SYNE2: variants seen among roughly 807,000 people sequenced by gnomAD.
SYNE2 encodes spectrin repeat containing nuclear envelope protein 2.
A neutral mutation model predicts 856.3 loss-of-function variants in SYNE2; 431 were observed. That is an observed-to-expected ratio of 0.50 (90% CI 0.47 to 0.55). SYNE2 has a LOEUF of 0.55. Ranked by LOEUF, SYNE2 falls within the 20% of genes least tolerant of loss-of-function variation. The pLI is 0.00. For synonymous variants in SYNE2, 2,923 were observed against 2,872.3 expected, an observed-to-expected ratio of 1.02 and a Z score of -0.56; for missense variants, 8,129 against 8,023.2, an observed-to-expected ratio of 1.01 and a Z score of -0.50.
chr14:63,993,884 C>T lies in SYNE2; in HGVS notation c.2696C>T (p.Ala899Val). The part of the protein sequence containing the change: ...NTKSLAKYLK[A>V]VEELKNNVTE... The stretch of plus-strand genomic sequence containing the variant: ...AAAAGTCTGGCCAAGTATTTGAAAG[C>T]TGTTGAAGAACTAAAAAATAATGTA... Residue 899 changes from alanine (A) to valine (V), a missense_variant, in exon 22 of 116, where the codon GCT (alanine) becomes GTT (valine). Ala to Val is a moderately conservative substitution (Grantham distance 64). Transcript: ENST00000555002. The T allele has an allele frequency of 6.2e-7, 1 of 1,611,470 alleles. No individual in the cohort carries two copies.
At chr14:63,773,118 T>C (rs1886981806) in intron 1 of SYNE2, among the ~76,000 whole-genome samples, 1 of 151,982 alleles carries the variant, frequency 6.6e-6, no homozygotes, top group Non-Finnish European at 1.5e-5. Context: ...ATTTTATTGT[T>C]GTTTATTATT....
intron 54 of SYNE2, among the ~76,000 whole-genome samples, chr14:64,076,621 GGA>G (rs1023512302): frequency 2.6e-5 from 4 of 151,944 alleles, no homozygotes; most frequent in African/African-American, 9.7e-5. Flanking sequence ...AAGAAAAGGT[GGA>G]AAATATTTTA....
intron 45 of SYNE2, among the ~76,000 whole-genome samples, chr14:64,045,366 A>G (rs1440764474): frequency 6.6e-6 from 1 of 151,216 alleles, no homozygotes; most frequent in Non-Finnish European, 1.5e-5. Flanking sequence ...TTAGTAGATG[A>G]TGAATAACAG....
rs780659094 is a variant in SYNE2 at position 64,021,927 on chromosome 14, C to G, written c.5423C>G (p.Thr1808Ser). The change falls in exon 37 of 116, where the codon ACT (threonine) becomes AGT (serine). Residue 1808 changes from threonine (T) to serine (S), a missense_variant. Thr to Ser is a moderately conservative substitution (Grantham distance 58). This residue lies in a region of SYNE2 where 2,422 missense variants were observed against 2,357.4 expected (regional missense o/e 1.03). Coordinates refer to ENST00000555002, the MANE Select transcript of SYNE2 (RefSeq NM_182914.3). ...ILLENQIGCL[T>S]PELSELKKQY... is the part of the protein sequence containing the mutation. ...CTTGAGAATCAAATAGGTTGTCTGA[C>G]TCCTGAACTCTCTGAATTGAAAAAG... 41 of 1,613,788 alleles carry G rather than the reference C, an allele frequency of 2.5e-5. No homozygotes were observed. The Admixed American group carries it at 4.5e-4, about 18-fold the overall frequency.
At chr14:63,881,896 A>G (rs1408305996) in intron 1 of SYNE2, among the ~76,000 whole-genome samples, 1 of 152,218 alleles carries the variant, frequency 6.6e-6, no homozygotes, top group Admixed American at 6.5e-5. Flanking sequence ...CTATTGAATT[A>G]TGGAGACTGT....
intron 67 of SYNE2, 69 bp downstream of exon 67, chr14:64,119,678 C>G (rs2097883473): frequency 1.3e-6 from 2 of 1,549,434 alleles, no homozygotes; most frequent in Non-Finnish European, 1.8e-6. Context: ...GAAGAGAACT[C>G]TGGTTGGAAG....
rs780655642 is a variant in SYNE2 at position 64,209,563 on chromosome 14, A to G, written c.18525A>G (p.Glu6175=). ...SEVLYTSAKE[E]LKRFEAFQRQ... ...TGTTGTACACGAGTGCCAAAGAGGA[A>G]CTGAAGAGGTTTGAGGTAAACACCT... Residue 6175 remains glutamate (E), a synonymous_variant, in exon 102 of 116, where the codon GAA becomes GAG. Transcript: ENST00000555002. 17 of 1,614,028 alleles carry G rather than the reference A, an allele frequency of 1.1e-5. No individual in the cohort carries two copies. Among genetic ancestry groups the G allele is most frequent in the Admixed American group, 8.3e-5 (5 of 59,998 alleles).
chr14:63,991,510 G>A (rs2096666025), intron 21 of SYNE2, among the ~76,000 whole-genome samples: 1 of 152,178 alleles, frequency 6.6e-6, no homozygotes, highest in Admixed American at 6.5e-5. Context: ...TACATTCTCT[G>A]AATGTAAAAA....
chr14:63,783,988 G>A (rs573645598), intron 1 of SYNE2, among the ~76,000 whole-genome samples: 1 of 152,234 alleles, frequency 6.6e-6, no homozygotes, highest in South Asian at 2.1e-4. Flanking sequence ...GTATCAAGGG[G>A]TAAAGAACAC....
chr14:64,065,284 A>G (rs2097350189), intron 50 of SYNE2, 148 bp from the exon 51 acceptor site: 1 of 735,154 alleles, frequency 1.4e-6, no homozygotes, highest in Admixed American at 2.4e-5. Flanking sequence ...CATCTGGTCT[A>G]TATTGACTTC....
intron 32 of SYNE2, among the ~76,000 whole-genome samples, chr14:64,015,651 T>G (rs181794844): frequency 2.6e-4 from 40 of 152,166 alleles, no homozygotes; most frequent in African/African-American, 8.7e-4. Context: ...ATTTTATTGG[T>G]TTTTTTCCCC....
At position 63,986,603 on chromosome 14, in the gene SYNE2, G is replaced by A; in HGVS notation, c.2299G>A (p.Glu767Lys). Reference protein sequence around the residue: ...LDQDDVDTSMEESLKHLIAKG... With the variant: ...LDQDDVDTSMKESLKHLIAKG... ...TCAAGATGATGTGGACACCTCAATG[G>A]AAGAATCTTTGAAGGTATGTGTGTA... Residue 767 changes from glutamate to lysine, a missense_variant, in exon 19 of 116, where the codon GAA becomes AAA. Physicochemically the swap from Glu to Lys is moderately conservative, Grantham distance 56 (BLOSUM62 1). This residue lies in a region of SYNE2 where 2,422 missense variants were observed against 2,357.4 expected (regional missense o/e 1.03). Transcript: ENST00000555002. 3 of 1,614,124 alleles carry A rather than the reference G, an allele frequency of 1.9e-6. No homozygotes were observed. Among genetic ancestry groups the A allele is most frequent in the Non-Finnish European group, 2.5e-6 (3 of 1,180,010 alleles).
chr14:63,916,979 G>C (rs1044263114), intron 2 of SYNE2, among the ~76,000 whole-genome samples: 2 of 152,016 alleles, frequency 1.3e-5, no homozygotes, highest in African/African-American at 4.8e-5. Flanking sequence ...ACGTCCAGCT[G>C]CTTGGGAGGC....
chr14:63,859,950 TCCCTCCC>T lies in SYNE2; in HGVS notation c.-52+6808_-52+6814del, dbSNP rs1316451819. On this transcript the variant is annotated intron_variant, in intron 1 of 115. Coordinates refer to ENST00000555002, the MANE Select transcript of SYNE2 (RefSeq NM_182914.3). ...TTTCTCCCTTCTCCCCTTCCTTCCCTCCCTCCCTCCCTCCCTCCCTCCCTTCCTCCCT... is the reference window on the plus strand; with the variant it reads ...TTTCTCCCTTCTCCCCTTCCTTCCCTTCCCTCCCTCCCTCCCTTCCTCCCT... Among the ~76,000 whole-genome samples, 202 of 118,992 alleles carry T rather than the reference TCCCTCCC, an allele frequency of 1.7e-3. 3 individuals are homozygous for T. The South Asian group carries it at 0.019, about 11-fold the overall frequency. The allele number at this position is 118,992 out of a possible 152,430, so 78.1% of individuals were successfully genotyped here.
intron 61 of SYNE2, among the ~76,000 whole-genome samples, chr14:64,094,242 G>C (rs2097657322): frequency 6.6e-6 from 1 of 151,966 alleles, no homozygotes; most frequent in Admixed American, 6.6e-5. Context: ...GCTGAGGCAG[G>C]AGAATGGAGT....
intron 1 of SYNE2, among the ~76,000 whole-genome samples, chr14:63,791,898 C>T (rs1013318256): frequency 3.4e-5 from 5 of 144,954 alleles, no homozygotes; most frequent in Admixed American, 1.4e-4. Flanking sequence ...TGAGTGAGAT[C>T]GCGCCACCGC....
intron 2 of SYNE2, among the ~76,000 whole-genome samples, chr14:63,923,067 G>A (rs1232390093): frequency 1.3e-5 from 2 of 152,166 alleles, no homozygotes; most frequent in Non-Finnish European, 1.5e-5. Flanking sequence ...GTAGCAAGGA[G>A]TAACAAATAT....
Position 64,016,613 on chromosome 14 carries a change from T to C in SYNE2, c.4869T>C (p.Ile1623=), listed in dbSNP as rs1314718901. ...EPPFEKEANI[I]VDRWLDINEK... Reference sequence around the variant, plus strand: ...CTTTTGAAAAAGAGGCTAATATTATTGTGGATAGATGGCTTGATGTAAGTG... The same window carrying C: ...CTTTTGAAAAAGAGGCTAATATTATCGTGGATAGATGGCTTGATGTAAGTG... Residue 1623 remains isoleucine, a synonymous_variant, in exon 33 of 116, where the codon ATT becomes ATC. Transcript: ENST00000555002. 2 of 1,595,472 alleles carry C rather than the reference T, an allele frequency of 1.3e-6. No individual in the cohort carries two copies. Among genetic ancestry groups the C allele is most frequent in the East Asian group, 2.2e-5 (1 of 44,578 alleles).
chr14:64,161,136 G>T (rs1456667868), intron 87 of SYNE2, among the ~76,000 whole-genome samples: 3 of 152,060 alleles, frequency 2.0e-5, no homozygotes, highest in African/African-American at 7.2e-5. Context: ...TTGAGTCCAG[G>T]AGTTCAAGAC....
Sources: gnomAD v4.1 joint callset for allele counts (sites outside exome capture counted in the v4.1 genomes callset) on GRCh38, gnomAD v4.1.1 for gene constraint, gnomAD v4.1.1 regional missense constraint, MANE v1.5 for transcripts, NCBI Gene and HGNC (gene_info 2026-07-23, HGNC 2026-07-21) for gene names.